SASH1: variants seen among roughly 807,000 people sequenced by gnomAD.
SASH1 encodes the protein SAM and SH3 domain containing 1, also known as SAM and SH3 domain-containing protein 1.
A neutral mutation model predicts 125.2 loss-of-function variants in SASH1; 44 were observed. The observed-to-expected ratio is 0.35, with a 90% CI of 0.28 to 0.45. The LOEUF is 0.45. Ranked by LOEUF, SASH1 falls within the 20% of genes least tolerant of loss-of-function variation. SASH1 has a pLI of 1.00. For synonymous variants in SASH1, 639 were observed against 649.1 expected, an observed-to-expected ratio of 0.98 and a Z score of 0.24; for missense variants, 1,426 against 1,614.5, an observed-to-expected ratio of 0.88 and a Z score of 2.00.
At chr6:148,403,333 G>A (rs1307774445) in intron 2 of SASH1, among the ~76,000 whole-genome samples, 1 of 151,806 alleles carries the variant, frequency 6.6e-6, no homozygotes, top group East Asian at 1.9e-4. Context: ...TCGAACTCTT[G>A]GCCTCAAGCG....
At chr6:148,223,420 A>G in the SASH1 span, among the ~76,000 whole-genome samples, 3 of 152,372 alleles carry the variant, frequency 2.0e-5, no homozygotes, top group Non-Finnish European at 4.4e-5. Flanking sequence ...GAAAAGATGC[A>G]GTCATGATTG....
chr6:148,446,164 A>T (rs1184960653), intron 4 of SASH1, among the ~76,000 whole-genome samples: 3 of 123,656 alleles, frequency 2.4e-5, no homozygotes, highest in Non-Finnish European at 4.7e-5. Flanking sequence ...GCTGGAGTGC[A>T]GTGGCGCGAT....
chr6:148,244,959 T>TGTGTGTGA, the SASH1 span, among the ~76,000 whole-genome samples: 1 of 119,152 alleles, frequency 8.4e-6, no homozygotes, highest in African/African-American at 3.2e-5. Flanking sequence ...TGTGTGTGTG[T>TGTGTGTGA]GAGAGAGAGA....
rs1421773400 is a variant in SASH1 at position 148,415,981 on chromosome 6, G to A, written c.286-24203G>A. On this transcript the variant is annotated intron_variant, in intron 2 of 19. Coordinates refer to ENST00000367467, the MANE Select transcript of SASH1 (RefSeq NM_015278.5). Reference sequence around the variant, plus strand: ...GCTTTGTGTAATTATAGTGTGGGGCGGTAAAGGAGATCCCACACTTCAAGC... The same window carrying A: ...GCTTTGTGTAATTATAGTGTGGGGCAGTAAAGGAGATCCCACACTTCAAGC... 9.2e-5 allele frequency among the ~76,000 whole-genome samples: 14 copies of A among 152,286 alleles called. No homozygotes were observed. In the East Asian group the frequency reaches 1.7e-3, roughly 19 times the overall value.
At chr6:148,528,499 C>T (rs1200041786) in intron 12 of SASH1, among the ~76,000 whole-genome samples, 4 of 152,314 alleles carry the variant, frequency 2.6e-5, no homozygotes, top group Non-Finnish European at 4.4e-5. Flanking sequence ...CGCCCCTATG[C>T]GAATGACCGA....
intron 1 of SASH1, among the ~76,000 whole-genome samples, chr6:148,361,914 C>CTTTTTTTT (rs745596285): frequency 4.0e-5 from 5 of 125,516 alleles, no homozygotes; most frequent in Non-Finnish European, 6.6e-5. Context: ...TTTTCTTTTT[C>CTTTTTTTT]TTTTTTTTTT....
intron 4 of SASH1, among the ~76,000 whole-genome samples, chr6:148,452,851 T>C (rs1055072164): frequency 5.3e-5 from 8 of 152,206 alleles, no homozygotes; most frequent in Admixed American, 1.3e-4. Flanking sequence ...CACATGACCT[T>C]TCGTTTCTTT....
In SASH1 at chr6:148,445,171, T is replaced by G. The variant is rs113712270; in HGVS notation, c.386+4764T>G. Among the ~76,000 whole-genome samples, 1,013 of 152,274 alleles carry G rather than the reference T, an allele frequency of 6.7e-3. 17 individuals are homozygous for G. Among genetic ancestry groups the G allele is most frequent in the African/African-American group, 0.022 (904 of 41,530 alleles). On this transcript the variant is annotated intron_variant, in intron 4 of 19. Transcript: ENST00000367467. ...TGGCAATCTTCTTTACTGCATCCTG[T>G]TTTATCGGCAGGATCTTTGACCTGT... is the stretch of plus-strand genomic sequence containing the variant.
At chr6:148,291,644 G>A (rs144197033) in intron 1 of SASH1, among the ~76,000 whole-genome samples, 9 of 152,178 alleles carry the variant, frequency 5.9e-5, no homozygotes, top group East Asian at 1.9e-4. Flanking sequence ...TGATCACACC[G>A]CTGCACTCTA....
At chr6:148,224,984 T>A in the SASH1 span, among the ~76,000 whole-genome samples, 2 of 152,144 alleles carry the variant, frequency 1.3e-5, no homozygotes, top group East Asian at 3.8e-4. Context: ...GTGGGAGAAG[T>A]GGTTCCCAAG....
the SASH1 span, among the ~76,000 whole-genome samples, chr6:148,231,171 G>A: frequency 7.9e-5 from 12 of 152,150 alleles, no homozygotes; most frequent in Non-Finnish European, 1.3e-4. Context: ...TGAGAAAAGC[G>A]CTCAACTTTA....
chr6:148,551,689 G>C lies in SASH1; in HGVS notation c.*3131G>C, dbSNP rs1201173935. ...TTTTCAGAAAAAAATATAATAGTCT[G>C]AGTCCAAGTTATCTTGATTTAAAAT... On this transcript the variant is annotated 3_prime_UTR_variant, in exon 20 of 20. Transcript: ENST00000367467. 6.6e-6 allele frequency: 1 copy of C among 152,604 alleles called. No individual in the cohort carries two copies. Among genetic ancestry groups the C allele is most frequent in the Non-Finnish European group, 1.5e-5 (1 of 68,032 alleles). 9.5% of individuals were successfully genotyped at this position (152,604 alleles called of 1,614,324 possible). A position where few individuals can be genotyped will look rare whatever the true frequency, so the allele number is the denominator to read the frequency against.
intron 1 of SASH1, among the ~76,000 whole-genome samples, chr6:148,385,312 G>C (rs1172723973): frequency 6.6e-6 from 1 of 152,118 alleles, no homozygotes; most frequent in Non-Finnish European, 1.5e-5. Context: ...CCAAGTTATT[G>C]GGGGAGTTTT....
At chr6:148,249,353 T>TGTG in the SASH1 span, among the ~76,000 whole-genome samples, 6 of 151,984 alleles carry the variant, frequency 3.9e-5, no homozygotes, top group African/African-American at 1.5e-4. Context: ...TGTGCATGCA[T>TGTG]CACACACACA....
chr6:148,483,893 A>G (rs1778730184), intron 7 of SASH1, among the ~76,000 whole-genome samples: 1 of 152,228 alleles, frequency 6.6e-6, no homozygotes, highest in East Asian at 1.9e-4. Context: ...ATTTGGACAC[A>G]TATAGAGTCC....
chr6:148,311,894 A>C (rs942209125), intron 1 of SASH1, among the ~76,000 whole-genome samples: 6 of 152,212 alleles, frequency 3.9e-5, no homozygotes, highest in African/African-American at 1.4e-4. Flanking sequence ...CCAATTTTCA[A>C]ACCTGCTTCA....
At chr6:148,476,680 C>A (rs968611238) in intron 7 of SASH1, among the ~76,000 whole-genome samples, 3 of 151,866 alleles carry the variant, frequency 2.0e-5, no homozygotes, top group East Asian at 3.9e-4. Flanking sequence ...TCCATCCCCC[C>A]CAACCCCCAA....
At chr6:148,234,808 G>A in the SASH1 span, among the ~76,000 whole-genome samples, 1 of 150,028 alleles carries the variant, frequency 6.7e-6, no homozygotes, top group Non-Finnish European at 1.5e-5. Flanking sequence ...GCCTGGGCAA[G>A]AAGAGCGAAA....
chr6:148,366,169 A>T (rs1258646292), intron 1 of SASH1, among the ~76,000 whole-genome samples: 1 of 152,054 alleles, frequency 6.6e-6, no homozygotes, highest in South Asian at 2.1e-4. Flanking sequence ...CTGTATTTCC[A>T]ACTACTTGGA....
Sources: gnomAD v4.1 joint callset for allele counts (sites outside exome capture counted in the v4.1 genomes callset) on GRCh38, gnomAD v4.1.1 for gene constraint, MANE v1.5 for transcripts, NCBI Gene and HGNC (gene_info 2026-07-23, HGNC 2026-07-21) for gene names.